ARHGEF26: variants seen among roughly 807,000 people sequenced by gnomAD.
ARHGEF26 encodes the protein Rho guanine nucleotide exchange factor 26.
ARHGEF26 carries 59 observed loss-of-function variants against 89.4 expected under a neutral mutation model. The ratio of observed to expected loss-of-function variants is 0.66; its 90% CI spans 0.54 to 0.82. The LOEUF is 0.82. Among genes scored for constraint, ARHGEF26 ranks in the 40% least tolerant of loss-of-function variants. The pLI is 0.00. For missense variants in ARHGEF26, 1,234 were observed against 1,085.6 expected (o/e 1.14, Z -1.92); for synonymous variants, 500 against 428.4 (o/e 1.17, Z -2.06).
intron 6 of ARHGEF26, among the ~76,000 whole-genome samples, chr3:154,187,380 ATT>A (rs35918903): frequency 3.1e-4 from 39 of 127,072 alleles, no homozygotes; most frequent in Middle Eastern, 4.6e-3. Context: ...CAATAACTTG[ATT>A]TTTTTTTTTT....
At chr3:154,186,187 ACAGT>A (rs1009743127) in intron 6 of ARHGEF26, among the ~76,000 whole-genome samples, 14 of 150,846 alleles carry the variant, frequency 9.3e-5, no homozygotes, top group Admixed American at 2.0e-4. Context: ...ATACTATTGT[ACAGT>A]CAGTGTGGTT....
In ARHGEF26 at chr3:154,198,775, G is replaced by A. The variant is rs535022592; in HGVS notation, c.1845+4057G>A. Among the ~76,000 whole-genome samples, 7 of 152,162 alleles carry A rather than the reference G, an allele frequency of 4.6e-5. No individual in the cohort carries two copies. In the South Asian group the frequency reaches 1.0e-3, roughly 23 times the overall value. ...TAAAAGAGTACACATTGGGCACAGTGTACACTGCTCAGGTGATGGGTACAC... is the reference window on the plus strand; with the variant it reads ...TAAAAGAGTACACATTGGGCACAGTATACACTGCTCAGGTGATGGGTACAC... On this transcript the variant is annotated intron_variant, in intron 9 of 14. Coordinates refer to ENST00000465093, the MANE Select transcript of ARHGEF26 (RefSeq NM_015595.4).
chr3:154,140,924 A>G lies in ARHGEF26; in HGVS notation c.1270-8465A>G, dbSNP rs1432577964. On this transcript the variant is annotated intron_variant, in intron 4 of 14. Coordinates refer to ENST00000465093, the MANE Select transcript of ARHGEF26 (RefSeq NM_015595.4). Reference sequence around the variant, plus strand: ...ACACTTGAGCACTTGAGACTGTGTTAACAGCCCTGTCCTTCCCTCAAGTCA... The same window carrying G: ...ACACTTGAGCACTTGAGACTGTGTTGACAGCCCTGTCCTTCCCTCAAGTCA... Among the ~76,000 whole-genome samples, 3 of 150,602 alleles carry G rather than the reference A, an allele frequency of 2.0e-5. 1 individual carries two copies. The highest frequency in any genetic ancestry group is 7.3e-5 in the African/African-American group (3 of 40,982).
chr3:154,249,330 T>C (rs553337268), intron 12 of ARHGEF26, among the ~76,000 whole-genome samples: 3 of 152,326 alleles, frequency 2.0e-5, no homozygotes, highest in South Asian at 2.1e-4. Context: ...TTGACCTTCA[T>C]GCAATTAAGT....
intron 14 of ARHGEF26, 108 bp downstream of exon 14, chr3:154,254,932 T>TTAA: frequency 1.1e-6 from 1 of 922,392 alleles, no homozygotes; most frequent in South Asian, 1.5e-5. Context: ...TCTTGACATG[T>TTAA]TAATGTTTGA....
chr3:154,238,348 C>T (rs1394990710), intron 11 of ARHGEF26, among the ~76,000 whole-genome samples: 2 of 152,126 alleles, frequency 1.3e-5, no homozygotes, highest in Non-Finnish European at 2.9e-5. Flanking sequence ...ATACAGATTA[C>T]TATCCTAGGA....
At chr3:154,232,321 G>A (rs1716876123) in intron 11 of ARHGEF26, among the ~76,000 whole-genome samples, 1 of 152,164 alleles carries the variant, frequency 6.6e-6, no homozygotes, top group Non-Finnish European at 1.5e-5. Context: ...TCATACTGAT[G>A]AATGGGGATC....
chr3:154,254,480 GTTA>G (rs1559931603), intron 13 of ARHGEF26, among the ~76,000 whole-genome samples: 1 of 152,070 alleles, frequency 6.6e-6, no homozygotes, highest in African/African-American at 2.4e-5. Context: ...TGATCAACCT[GTTA>G]TTGAGGGGAA....
At chr3:154,238,636 C>G (rs1170343117) in intron 11 of ARHGEF26, among the ~76,000 whole-genome samples, 1 of 152,098 alleles carries the variant, frequency 6.6e-6, no homozygotes, top group Admixed American at 6.5e-5. Flanking sequence ...CATTCATTTG[C>G]ATTTATTATT....
intron 4 of ARHGEF26, among the ~76,000 whole-genome samples, chr3:154,135,574 C>A (rs554773548): frequency 1.3e-5 from 2 of 152,152 alleles, no homozygotes; most frequent in African/African-American, 4.8e-5. Flanking sequence ...GAGACAAAAA[C>A]CCTGCTGCAC....
chr3:154,246,849 G>A (rs1413216438), intron 12 of ARHGEF26, among the ~76,000 whole-genome samples: 2 of 152,172 alleles, frequency 1.3e-5, no homozygotes, highest in African/African-American at 2.4e-5. Context: ...GAGAGGAATC[G>A]ATGATATTTA....
In ARHGEF26 at chr3:154,122,028, C is replaced by T. The variant is rs541643715; in HGVS notation, c.36C>T (p.Asn12=). 3.8e-6 allele frequency: 6 copies of T among 1,598,760 alleles called. No homozygotes were observed. The East Asian group carries it at 6.8e-5, about 18-fold the overall frequency. Residue 12 remains asparagine, a synonymous_variant, in exon 2 of 15, where the codon AAC becomes AAT. Transcript: ENST00000465093. ...AGAGCGAGGTGGATTTTTCTAGCAA[C>T]AGCATAACCCCTTTGTGGCGGAGGC... ...DGESEVDFSS[N]SITPLWRRRS...
At chr3:154,217,725 T>C (rs1576792602) in intron 9 of ARHGEF26, 144 bp from the exon 10 acceptor site, 1 of 664,420 alleles carries the variant, frequency 1.5e-6, no homozygotes, top group East Asian at 2.7e-5. Context: ...ACGAATGTCT[T>C]AACTGTGAAA....
chr3:154,147,671 A>T (rs1322138426), intron 4 of ARHGEF26, among the ~76,000 whole-genome samples: 1 of 152,194 alleles, frequency 6.6e-6, no homozygotes, highest in Non-Finnish European at 1.5e-5. Context: ...AAAGCCTGGA[A>T]CATCAAGTGA....
intron 11 of ARHGEF26, among the ~76,000 whole-genome samples, chr3:154,233,192 A>C (rs1716919238): frequency 6.6e-6 from 1 of 152,124 alleles, no homozygotes; most frequent in African/African-American, 2.4e-5. Context: ...GCTGTGCCAT[A>C]TTTCATTCCT....
At chr3:154,124,372 C>CTTTTTTTTTTTTTTTTTTTTTTTTTTTTT (rs10688646) in intron 2 of ARHGEF26, 38 bp from the exon 3 acceptor site, 19 of 1,010,668 alleles carry the variant, frequency 1.9e-5, no homozygotes, top group Admixed American at 8.3e-5. Flanking sequence ...TTTGCTTTTC[C>CTTTTTTTTTTTTTTTTTTTTTTTTTTTTT]TTTTTTTTTT....
chr3:154,182,823 A>C (rs1367028696), intron 6 of ARHGEF26, among the ~76,000 whole-genome samples: 1 of 152,186 alleles, frequency 6.6e-6, no homozygotes, highest in African/African-American at 2.4e-5. Context: ...TTTCTTATCT[A>C]TAAAATGGGT....
At position 154,257,613 on chromosome 3, in the gene ARHGEF26, C is replaced by T. The variant is rs1718603121; in HGVS notation, c.*2140C>T. 1 of 151,990 alleles carries T rather than the reference C, an allele frequency of 6.6e-6. No homozygotes were observed. The highest frequency in any genetic ancestry group is 1.5e-5 in the Non-Finnish European group (1 of 68,016). The allele number at this position is 151,990 out of a possible 1,614,324, so 9.4% of individuals were successfully genotyped here. On this transcript the variant is annotated 3_prime_UTR_variant, in exon 15 of 15. Coordinates refer to ENST00000465093, the MANE Select transcript of ARHGEF26 (RefSeq NM_015595.4). Reference sequence around the variant, plus strand: ...TCAATGTTAAAGTGTTGTTATATGGCAAGTATTTAACACATTCACAGTGTT... The same window carrying T: ...TCAATGTTAAAGTGTTGTTATATGGTAAGTATTTAACACATTCACAGTGTT...
chr3:154,191,663 A>T (rs1450153370), intron 8 of ARHGEF26, among the ~76,000 whole-genome samples: 2 of 152,110 alleles, frequency 1.3e-5, no homozygotes, highest in Non-Finnish European at 2.9e-5. Context: ...CTTACTCAGC[A>T]TTTTTTGAAA....
Sources: allele counts gnomAD v4.1 joint callset (sites outside exome capture counted in the v4.1 genomes callset), GRCh38; gene constraint gnomAD v4.1.1; transcripts MANE v1.5; gene names NCBI Gene and HGNC (gene_info 2026-07-23, HGNC 2026-07-21).